The following MAS1 variants were observed in gnomAD, a reference collection of about 807,000 sequenced individuals.
The protein encoded by MAS1 is MAS1 proto-oncogene, G protein-coupled receptor.
For missense variants in MAS1, 387 were observed against 409.7 expected (o/e 0.94, Z 0.48); for synonymous variants, 163 against 164.2 (o/e 0.99, Z 0.05).
At chr6:159,892,409 C>A (rs1015756294) in intron 1 of MAS1, among the ~76,000 whole-genome samples, 1 of 152,218 alleles carries the variant, frequency 6.6e-6, no homozygotes. Context: ...CCCACTCCCC[C>A]AGCCTGAGTT....
At chr6:159,892,798 G>A (rs1393871092) in intron 1 of MAS1, among the ~76,000 whole-genome samples, 1 of 152,168 alleles carries the variant, frequency 6.6e-6, no homozygotes, top group Admixed American at 6.5e-5. Flanking sequence ...TGTTTTCCCT[G>A]CTTGTTGATT....
chr6:159,897,305 G>A (rs1782766052), intron 1 of MAS1, among the ~76,000 whole-genome samples: 1 of 152,136 alleles, frequency 6.6e-6, no homozygotes, highest in African/African-American at 2.4e-5. Context: ...TCTGTTTCTG[G>A]GTGGGATCAC....
intron 1 of MAS1, among the ~76,000 whole-genome samples, chr6:159,891,427 A>G (rs760042032): frequency 1.1e-4 from 16 of 152,190 alleles, no homozygotes; most frequent in Non-Finnish European, 2.1e-4. Flanking sequence ...AACTCGTTGC[A>G]GGGGAAAGAA....
In MAS1 at chr6:159,914,761, C is replaced by A. The variant is rs1783001926; in HGVS notation, c.*6828C>A. On this transcript the variant is annotated 3_prime_UTR_variant, in exon 3 of 3. Coordinates refer to ENST00000674077, the MANE Select transcript of MAS1 (RefSeq NM_002377.4). ...AGTTCACCCCAGGTCATTCAGCTATCCTGGCATTCCCAGTGGTTCCTGTGG... is the reference window on the plus strand; with the variant it reads ...AGTTCACCCCAGGTCATTCAGCTATACTGGCATTCCCAGTGGTTCCTGTGG... 1 of 152,336 alleles carries A rather than the reference C, an allele frequency of 6.6e-6. No homozygotes were observed. Among genetic ancestry groups the A allele is most frequent in the Admixed American group, 6.5e-5 (1 of 15,290 alleles). 9.4% of individuals were successfully genotyped at this position (152,336 alleles called of 1,614,324 possible). A position where few individuals can be genotyped will look rare whatever the true frequency, so the allele number is the denominator to read the frequency against.
intron 1 of MAS1, among the ~76,000 whole-genome samples, chr6:159,891,919 C>T (rs560908984): frequency 2.0e-5 from 3 of 152,202 alleles, no homozygotes; most frequent in Non-Finnish European, 2.9e-5. Flanking sequence ...AATTCTTTGC[C>T]GTGTGGGCTG....
chr6:159,902,700 CCT>C (rs2115114952), intron 2 of MAS1, among the ~76,000 whole-genome samples: 1 of 152,170 alleles, frequency 6.6e-6, no homozygotes, highest in South Asian at 2.1e-4. Context: ...TTCCCTCTCT[CCT>C]CTCTCTCCAA....
chr6:159,904,497 A>G (rs1393313409), intron 2 of MAS1, among the ~76,000 whole-genome samples: 1 of 152,182 alleles, frequency 6.6e-6, no homozygotes. Context: ...CCGTCAGTGA[A>G]TCAAATCGAA....
At chr6:159,906,321 T>C (rs1263907381) in intron 2 of MAS1, among the ~76,000 whole-genome samples, 2 of 152,178 alleles carry the variant, frequency 1.3e-5, no homozygotes, top group African/African-American at 2.4e-5. Context: ...GTCGCAGATA[T>C]TGAAGCCGTG....
chr6:159,889,114 A>G (rs1782669965), upstream of MAS1, among the ~76,000 whole-genome samples: 1 of 152,068 alleles, frequency 6.6e-6, no homozygotes, highest in Non-Finnish European at 1.5e-5. Flanking sequence ...ACCCCTTTGG[A>G]GACTCTCTCC....
In MAS1 at chr6:159,897,901, T is replaced by G. The variant is rs376332389; in HGVS notation, c.-243-1285T>G. 3.2e-4 allele frequency among the ~76,000 whole-genome samples: 49 copies of G among 152,168 alleles called. 2 individuals carry two copies. Among genetic ancestry groups the G allele is most frequent in the African/African-American group, 1.2e-3 (49 of 41,502 alleles). ...CTAGAAATTAAACAAGTCTTTTTTT[T>G]TTCTTTTTTGAGATGGAGTCTCACT... On this transcript the variant is annotated intron_variant, in intron 1 of 2. Coordinates refer to ENST00000674077, the MANE Select transcript of MAS1 (RefSeq NM_002377.4).
chr6:159,896,617 G>A (rs572879036), intron 1 of MAS1, among the ~76,000 whole-genome samples: 5 of 152,186 alleles, frequency 3.3e-5, no homozygotes, highest in African/African-American at 4.8e-5. Flanking sequence ...GAAGAAAGGC[G>A]ATAAACATTT....
chr6:159,893,184 C>T (rs1198703695), intron 1 of MAS1, among the ~76,000 whole-genome samples: 1 of 152,204 alleles, frequency 6.6e-6, no homozygotes, highest in Non-Finnish European at 1.5e-5. Flanking sequence ...GTCACCCTGG[C>T]TTATGGTGTC....
upstream of MAS1, among the ~76,000 whole-genome samples, chr6:159,889,685 C>G (rs1782676113): frequency 6.6e-6 from 1 of 152,192 alleles, no homozygotes; most frequent in Non-Finnish European, 1.5e-5. Context: ...ACTTCTCCTT[C>G]CTTGGAGCAT....
chr6:159,895,124 A>G (rs914431696), intron 1 of MAS1, among the ~76,000 whole-genome samples: 2 of 152,232 alleles, frequency 1.3e-5, no homozygotes, highest in Non-Finnish European at 2.9e-5. Flanking sequence ...TGACAGCCCC[A>G]TGAATGGGTG....
rs1782999241 is a variant in MAS1, at chr6:159,914,502, C to G, written c.*6569C>G. 6.6e-6 allele frequency: 1 copy of G among 152,214 alleles called. No individual in the cohort carries two copies. The highest frequency in any genetic ancestry group is 1.5e-5 in the Non-Finnish European group (1 of 68,058). 9.4% of individuals were successfully genotyped at this position (152,214 alleles called of 1,614,324 possible). A position where few individuals can be genotyped will look rare whatever the true frequency, so the allele number is the denominator to read the frequency against. ...CTATATTGCTGCTCTGTCAACATTT[C>G]CCAGTTCAGGGAAGATGTAAGTGGG... On this transcript the variant is annotated 3_prime_UTR_variant, in exon 3 of 3. Transcript: ENST00000674077.
At chr6:159,901,440 A>C (rs542003520) in intron 2 of MAS1, among the ~76,000 whole-genome samples, 18 of 152,152 alleles carry the variant, frequency 1.2e-4, no homozygotes, top group Non-Finnish European at 2.1e-4. Flanking sequence ...ACAAAAAATT[A>C]AAAACAAAAT....
intron 2 of MAS1, among the ~76,000 whole-genome samples, chr6:159,903,952 G>A (rs1011871281): frequency 1.3e-5 from 2 of 152,152 alleles, no homozygotes; most frequent in African/African-American, 4.8e-5. Context: ...ACCAAGGTCA[G>A]CAATGGCTCC....
chr6:159,898,668 T>TCCTCTTCCTCCTCCTTCATCCTCCTC (rs1782788488), intron 1 of MAS1, among the ~76,000 whole-genome samples: 3 of 48,470 alleles, frequency 6.2e-5, no homozygotes, highest in African/African-American at 8.6e-5. Flanking sequence ...CCCTCCTCCT[T>TCCTCTTCCTCCTCCTTCATCCTCCTC]CCTCTTCCTC....
At chr6:159,893,269 G>A (rs547060752) in intron 1 of MAS1, among the ~76,000 whole-genome samples, 4 of 152,382 alleles carry the variant, frequency 2.6e-5, no homozygotes, top group African/African-American at 9.6e-5. Flanking sequence ...GAGGGCAGTG[G>A]CAGTGGTGAC....
Sources: allele counts gnomAD v4.1 joint callset (sites outside exome capture counted in the v4.1 genomes callset), GRCh38; gene constraint gnomAD v4.1.1; transcripts MANE v1.5; gene names NCBI Gene and HGNC (gene_info 2026-07-23, HGNC 2026-07-21).